DENND4C: variants seen among roughly 807,000 people sequenced by gnomAD.
The protein encoded by DENND4C is DENN domain containing 4C.
DENND4C carries 108 observed loss-of-function variants against 203.0 expected under a neutral mutation model. That is an observed-to-expected ratio of 0.53 (90% confidence interval 0.46 to 0.62). The LOEUF is 0.62. Among genes scored for constraint, DENND4C ranks in the 20% least tolerant of loss-of-function variants. The pLI is 0.00. For missense variants in DENND4C, 2,481 were observed against 2,301.2 expected, an observed-to-expected ratio of 1.08 and a Z score of -1.60; for synonymous variants, 871 against 792.4, an observed-to-expected ratio of 1.10 and a Z score of -1.67.
intron 10 of DENND4C, among the ~76,000 whole-genome samples, chr9:19,309,742 A>C (rs10964093): frequency 6.6e-6 from 1 of 151,716 alleles, no homozygotes; most frequent in African/African-American, 2.4e-5. Context: ...TTACCTTTTA[A>C]ATTTTTTTTA....
Position 19,276,686 on chromosome 9 carries a change from G to A in DENND4C, c.305+207G>A, listed in dbSNP as rs117335657. 9.8e-4 allele frequency: 356 copies of A among 364,702 alleles called. 2 individuals carry two copies. In the East Asian group the frequency reaches 0.013, roughly 13 times the overall value. 22.6% of individuals were successfully genotyped at this position (364,702 alleles called of 1,614,324 possible). A position where few individuals can be genotyped will look rare whatever the true frequency, so the allele number is the denominator to read the frequency against. ...GAATTTCTTTGCATTGCCTTGAATTGTTAGATCATTTGCTTTCAAAAGAAT... is the reference window on the plus strand; with the variant it reads ...GAATTTCTTTGCATTGCCTTGAATTATTAGATCATTTGCTTTCAAAAGAAT... On this transcript the variant is annotated intron_variant, in intron 2 of 32. Coordinates refer to ENST00000434457, the MANE Select transcript of DENND4C (RefSeq NM_001330640.2).
At chr9:19,275,574 G>A (rs1246139018) in intron 1 of DENND4C, among the ~76,000 whole-genome samples, 5 of 152,002 alleles carry the variant, frequency 3.3e-5, no homozygotes, top group Admixed American at 1.3e-4. Flanking sequence ...GGGTTCAAGC[G>A]ATTCTCCTGC....
chr9:19,322,965 T>C (rs142984555), intron 12 of DENND4C, among the ~76,000 whole-genome samples: 303 of 152,174 alleles, frequency 2.0e-3, no homozygotes, highest in African/African-American at 6.8e-3. Context: ...TGACTGTGTG[T>C]TGAAGTTGGT....
intron 10 of DENND4C, among the ~76,000 whole-genome samples, chr9:19,315,138 C>T (rs866022889): frequency 5.9e-4 from 76 of 128,916 alleles, no homozygotes; most frequent in Admixed American, 1.0e-3. Context: ...CCAGCCTGGA[C>T]GACAGAGACT....
intron 6 of DENND4C, among the ~76,000 whole-genome samples, chr9:19,296,713 GT>G (rs1466434053): frequency 3.4e-4 from 52 of 152,166 alleles, no homozygotes; most frequent in Admixed American, 3.4e-3. Flanking sequence ...TAGTGGTAAG[GT>G]TGGCCAAATA....
At chr9:19,307,595 C>A (rs1270397393) in intron 10 of DENND4C, among the ~76,000 whole-genome samples, 1 of 151,418 alleles carries the variant, frequency 6.6e-6, no homozygotes, top group Admixed American at 6.6e-5. Flanking sequence ...CATGGTGAAA[C>A]TCCGTCTCTA....
At chr9:19,266,924 C>T (rs569805748) in intron 1 of DENND4C, among the ~76,000 whole-genome samples, 55 of 152,142 alleles carry the variant, frequency 3.6e-4, no homozygotes, top group African/African-American at 1.3e-3. Context: ...TGGGCAAGGA[C>T]TTCATGACTA....
At position 19,304,541 on chromosome 9, in the gene DENND4C, A is replaced by T. The variant is rs574937674; in HGVS notation, c.1312-811A>T. ...CTGATGTTTATTTGAAGAGTTACGA[A>T]TTTTTTTTTTTTTGAGACCGAGTCT... On this transcript the variant is annotated intron_variant, in intron 9 of 32. Coordinates refer to ENST00000434457, the MANE Select transcript of DENND4C (RefSeq NM_001330640.2). Among the ~76,000 whole-genome samples, 793 of 131,224 alleles carry T rather than the reference A, an allele frequency of 6.0e-3. 20 individuals are homozygous for T. The highest frequency in any genetic ancestry group is 0.055 in the Admixed American group (718 of 13,032). The allele number at this position is 131,224 out of a possible 152,430, so 86.1% of individuals were successfully genotyped here.
At chr9:19,344,556 A>G (rs1413328300) in intron 22 of DENND4C, among the ~76,000 whole-genome samples, 2 of 152,168 alleles carry the variant, frequency 1.3e-5, no homozygotes, top group African/African-American at 4.8e-5. Context: ...GTGTAGTGGC[A>G]CAGTCATGGC....
At position 19,328,631 on chromosome 9, in the gene DENND4C, G is replaced by GTGTC. The variant is rs200869394; in HGVS notation, c.2253+495_2253+498dup. On this transcript the variant is annotated intron_variant, in intron 16 of 32. Coordinates refer to ENST00000434457, the MANE Select transcript of DENND4C (RefSeq NM_001330640.2). ...TCCATCTCAAAAAAAGTCTATATAT[G>GTGTC]TGTCTGTCTGTCTGTCTGTCTGTCT... Among the ~76,000 whole-genome samples, 1,123 of 145,732 alleles carry GTGTC rather than the reference G, an allele frequency of 7.7e-3. 8 individuals are homozygous for GTGTC. The highest frequency in any genetic ancestry group is 0.011 in the Non-Finnish European group (728 of 65,656).
rs1054296320 is a variant in DENND4C, at chr9:19,373,013, T to C, written c.*840T>C. ...ATACGGTTTTCTGAAAGGGGTCTCA[T>C]TGACTATTAAATAAATGACTACTAC... On this transcript the variant is annotated 3_prime_UTR_variant, in exon 33 of 33. Transcript: ENST00000434457. The C allele has an allele frequency of 5.3e-5, 8 of 152,182 alleles. No homozygotes were observed. Among genetic ancestry groups the C allele is most frequent in the African/African-American group, 1.2e-4 (5 of 41,448 alleles). 9.4% of individuals were successfully genotyped at this position (152,182 alleles called of 1,614,324 possible).
chr9:19,328,251 C>A, intron 16 of DENND4C, 89 bp downstream of exon 16: 1 of 1,258,434 alleles, frequency 7.9e-7, no homozygotes, highest in Admixed American at 2.6e-5. Context: ...TGATCACCCA[C>A]AACAACCATT....
chr9:19,288,291 C>G (rs1835616198), intron 3 of DENND4C, among the ~76,000 whole-genome samples: 2 of 152,182 alleles, frequency 1.3e-5, no homozygotes, highest in Non-Finnish European at 2.9e-5. Context: ...CCAATTTGGG[C>G]TCCAGTGCAC....
chr9:19,252,211 G>C (rs1430446033), intron 1 of DENND4C, among the ~76,000 whole-genome samples: 1 of 152,178 alleles, frequency 6.6e-6, no homozygotes, highest in East Asian at 1.9e-4. Flanking sequence ...CAGGCAAATA[G>C]AGAGCTGGTG....
intron 12 of DENND4C, among the ~76,000 whole-genome samples, chr9:19,320,725 C>A (rs955111021): frequency 6.6e-6 from 1 of 152,192 alleles, no homozygotes; most frequent in Non-Finnish European, 1.5e-5. Flanking sequence ...ACATGTCTGG[C>A]TGTCCTACTT....
chr9:19,309,422 CAA>C (rs778968240), intron 10 of DENND4C, among the ~76,000 whole-genome samples: 13 of 94,900 alleles, frequency 1.4e-4, no homozygotes, highest in Admixed American at 3.4e-4. Flanking sequence ...AACTCCATCT[CAA>C]AAAAAAAAAA....
At chr9:19,282,613 A>C (rs1324304969) in intron 2 of DENND4C, among the ~76,000 whole-genome samples, 1 of 148,448 alleles carries the variant, frequency 6.7e-6, no homozygotes. Context: ...CTGGCATTGC[A>C]CTCCTAGGCT....
At chr9:19,351,168 C>T (rs1372292586) in intron 24 of DENND4C, among the ~76,000 whole-genome samples, 2 of 152,114 alleles carry the variant, frequency 1.3e-5, no homozygotes, top group Non-Finnish European at 2.9e-5. Flanking sequence ...ATGATCTATT[C>T]TGATCTTGTA....
chr9:19,295,513 A>G (rs10964087), intron 5 of DENND4C, among the ~76,000 whole-genome samples: 1 of 151,702 alleles, frequency 6.6e-6, no homozygotes, highest in African/African-American at 2.4e-5. Flanking sequence ...TCAAAAAAAA[A>G]GGAAAAAAAA....
Sources: allele counts gnomAD v4.1 joint callset (sites outside exome capture counted in the v4.1 genomes callset), GRCh38; gene constraint gnomAD v4.1.1; transcripts MANE v1.5; gene names NCBI Gene and HGNC (gene_info 2026-07-23, HGNC 2026-07-21).